The following TMEM232 variants were observed in gnomAD, a reference collection of about 807,000 sequenced individuals.
The protein encoded by TMEM232 is transmembrane protein 232.
A neutral mutation model predicts 78.8 loss-of-function variants in TMEM232; 80 were observed. The observed-to-expected ratio is 1.01, with a 90% CI of 0.85 to 1.22. The LOEUF is 1.22. Among genes scored for constraint, TMEM232 ranks in the 50% most tolerant of loss-of-function variants. The probability of loss-of-function intolerance (pLI) is 0.00; values close to 1 mark genes in which losing one functional copy is unlikely to be tolerated. For synonymous variants in TMEM232, 297 were observed against 254.3 expected, an observed-to-expected ratio of 1.17 and a Z score of -1.60; for missense variants, 881 against 742.2, an observed-to-expected ratio of 1.19 and a Z score of -2.17.
intron 11 of TMEM232, among the ~76,000 whole-genome samples, chr5:110,534,620 T>C (rs1772051032): frequency 6.6e-6 from 1 of 152,192 alleles, no homozygotes; most frequent in Non-Finnish European, 1.5e-5. Context: ...CAACTACTCA[T>C]ACATGCCCTG....
intron 12 of TMEM232, among the ~76,000 whole-genome samples, chr5:110,450,881 C>T (rs886468580): frequency 6.6e-6 from 1 of 152,138 alleles, no homozygotes; most frequent in Non-Finnish European, 1.5e-5. Context: ...GTTAGTTAGG[C>T]ATGTATACCT....
chr5:110,692,360 G>A (rs1370278948), intron 1 of TMEM232, among the ~76,000 whole-genome samples: 4 of 152,244 alleles, frequency 2.6e-5, no homozygotes, highest in African/African-American at 9.6e-5. Context: ...CCAGTCTACA[G>A]CTCCCAAAGT....
At chr5:110,549,605 C>CAAAAAAAA (rs1209595068) in intron 11 of TMEM232, among the ~76,000 whole-genome samples, 2 of 45,434 alleles carry the variant, frequency 4.4e-5, no homozygotes, top group African/African-American at 1.4e-4. Context: ...GTCCCTGTCT[C>CAAAAAAAA]AAAAAAAAAA....
At chr5:110,544,010 T>A (rs1773477000) in intron 11 of TMEM232, among the ~76,000 whole-genome samples, 1 of 152,154 alleles carries the variant, frequency 6.6e-6, no homozygotes, top group African/African-American at 2.4e-5. Flanking sequence ...ATGAACATCT[T>A]TTACAACAGA....
At chr5:110,729,952 A>T (rs1798522127), upstream of TMEM232, among the ~76,000 whole-genome samples, 1 of 152,232 alleles carries the variant, frequency 6.6e-6, no homozygotes, top group Non-Finnish European at 1.5e-5. Flanking sequence ...CTGTTCTCTC[A>T]GGATAACTTA....
chr5:110,618,877 G>A (rs193204161), intron 7 of TMEM232, among the ~76,000 whole-genome samples: 2 of 152,278 alleles, frequency 1.3e-5, no homozygotes, highest in African/African-American at 4.8e-5. Context: ...GATTCTATGT[G>A]ACTTAGTTCT....
At chr5:110,434,623 T>C (rs183569388) in intron 12 of TMEM232, among the ~76,000 whole-genome samples, 4 of 152,058 alleles carry the variant, frequency 2.6e-5, no homozygotes, top group South Asian at 2.1e-4. Context: ...ACTACTATCA[T>C]CCTGATACCA....
At chr5:110,486,883 T>C (rs1370099934) in intron 12 of TMEM232, among the ~76,000 whole-genome samples, 4 of 152,068 alleles carry the variant, frequency 2.6e-5, no homozygotes, top group South Asian at 2.1e-4. Flanking sequence ...GGGGAATGCA[T>C]TGAATTTGTA....
chr5:110,616,018 A>G (rs994485485), intron 8 of TMEM232, among the ~76,000 whole-genome samples: 9 of 152,074 alleles, frequency 5.9e-5, no homozygotes, highest in African/African-American at 2.2e-4. Flanking sequence ...TTACAGATTC[A>G]ATGCAATTCC....
intron 12 of TMEM232, among the ~76,000 whole-genome samples, chr5:110,448,240 C>T (rs1172335965): frequency 6.6e-6 from 1 of 151,982 alleles, no homozygotes; most frequent in Non-Finnish European, 1.5e-5. Flanking sequence ...TTTAGATTTT[C>T]AAGAACTTAG....
At chr5:110,700,774 A>ATAGG (rs1795332329) in intron 1 of TMEM232, among the ~76,000 whole-genome samples, 1 of 124,090 alleles carries the variant, frequency 8.1e-6, no homozygotes, top group Non-Finnish European at 1.7e-5. Flanking sequence ...AGGTAGGTAG[A>ATAGG]TAGATAGATA....
chr5:110,548,431 T>C (rs963337394), intron 11 of TMEM232, among the ~76,000 whole-genome samples: 1 of 150,582 alleles, frequency 6.6e-6, no homozygotes, highest in Non-Finnish European at 1.5e-5. Context: ...CAGGAAAATA[T>C]AAAATTTATT....
chr5:110,439,863 G>C (rs1432560450), intron 12 of TMEM232, among the ~76,000 whole-genome samples: 1 of 152,068 alleles, frequency 6.6e-6, no homozygotes, highest in Non-Finnish European at 1.5e-5. Flanking sequence ...TAGCATTACA[G>C]AATCATTGTC....
chr5:110,692,716 C>G (rs1006840322), intron 1 of TMEM232, among the ~76,000 whole-genome samples: 16 of 152,202 alleles, frequency 1.1e-4, no homozygotes, highest in African/African-American at 3.9e-4. Flanking sequence ...GCACAGCAGT[C>G]TGAGATCAAA....
chr5:110,581,011 G>A (rs142336573), intron 10 of TMEM232, among the ~76,000 whole-genome samples: 6 of 151,730 alleles, frequency 4.0e-5, no homozygotes, highest in Non-Finnish European at 8.9e-5. Context: ...AAAGAAGTCA[G>A]AGGTGATACA....
chr5:110,643,338 G>A (rs1326024230), intron 2 of TMEM232, among the ~76,000 whole-genome samples: 1 of 151,904 alleles, frequency 6.6e-6, no homozygotes, highest in East Asian at 1.9e-4. Flanking sequence ...GAATTTCAGG[G>A]AAAAATTCAG....
intron 10 of TMEM232, among the ~76,000 whole-genome samples, chr5:110,586,292 A>G (rs1778810296): frequency 6.6e-6 from 1 of 151,772 alleles, no homozygotes. Context: ...TTTTCCAATC[A>G]TATCTTTTAC....
At chr5:110,718,618 G>A (rs960810914) in intron 1 of TMEM232, among the ~76,000 whole-genome samples, 2 of 151,908 alleles carry the variant, frequency 1.3e-5, no homozygotes, top group Admixed American at 6.6e-5. Flanking sequence ...GAGCTTCTTA[G>A]GTGTGAAGAT....
At chr5:110,561,574 C>T (rs950642350) in intron 11 of TMEM232, among the ~76,000 whole-genome samples, 1 of 152,010 alleles carries the variant, frequency 6.6e-6, no homozygotes, top group Non-Finnish European at 1.5e-5. Context: ...ATATAGCAGA[C>T]TGAAATCCCA....
Sources: allele counts gnomAD v4.1 joint callset (sites outside exome capture counted in the v4.1 genomes callset), GRCh38; gene constraint gnomAD v4.1.1; transcripts MANE v1.5; gene names NCBI Gene and HGNC (gene_info 2026-07-23, HGNC 2026-07-21).